Variants in CD47 observed in about 807,000 individuals in gnomAD.
CD47 encodes the protein leukocyte surface antigen CD47.
A neutral mutation model predicts 44.6 loss-of-function variants in CD47; 11 were observed. The observed-to-expected ratio is 0.25, with a 90% CI of 0.16 to 0.41. The LOEUF is 0.41. Ranked by LOEUF, CD47 falls within the 10% of genes least tolerant of loss-of-function variation. The pLI is 1.00. For missense variants in CD47, 306 were observed against 386.7 expected (o/e 0.79, Z 1.75); for synonymous variants, 140 against 136.3 (o/e 1.03, Z -0.19).
chr3:108,057,542 A>T lies in CD47; in HGVS notation c.812T>A (p.Leu271Gln). 1.9e-6 allele frequency: 3 copies of T among 1,574,574 alleles called. No homozygotes were observed. The highest frequency in any genetic ancestry group is 2.6e-6 in the Non-Finnish European group (3 of 1,144,342). Residue 271 changes from leucine (L) to glutamine (Q), a missense_variant, in exon 7 of 11, where the codon CTG becomes CAG. By Grantham distance (113) the Leu-to-Gln change is moderately radical. This residue lies in a region of CD47 where 131 missense variants were observed against 135.3 expected (regional missense o/e 0.97). Coordinates refer to ENST00000361309, the MANE Select transcript of CD47 (RefSeq NM_001777.4). ...AGCTAAGATACTCAAACCTGAAATC[A>T]GAAGAGGGCCATGCATTGGTATACA... ...AACIPMHGPL[L>Q]ISGLSILALA...
At chr3:108,068,414 C>T (rs945449428) in intron 3 of CD47, among the ~76,000 whole-genome samples, 1 of 152,128 alleles carries the variant, frequency 6.6e-6, no homozygotes, top group Non-Finnish European at 1.5e-5. Context: ...TCAGTAGGCA[C>T]CCTGTCACTA....
rs1337944256 is a variant in CD47 at position 108,047,169 on chromosome 3, G to A, written c.*119C>T. 1 of 708,498 alleles carries A rather than the reference G, an allele frequency of 1.4e-6. No homozygotes were observed. The highest frequency in any genetic ancestry group is 1.8e-5 in the African/African-American group (1 of 55,182). 43.9% of individuals were successfully genotyped at this position (708,498 alleles called of 1,614,324 possible). ...GTAAGGGTCTCATAGGTGACAACCA[G>A]TTACTTTTCTTGTTTCTTCTCCCCA... On this transcript the variant is annotated 3_prime_UTR_variant, in exon 11 of 11. Transcript: ENST00000361309.
At chr3:108,049,094 A>ATCTCTCTC (rs55708779) in intron 10 of CD47, among the ~76,000 whole-genome samples, 3 of 129,294 alleles carry the variant, frequency 2.3e-5, no homozygotes, top group African/African-American at 5.8e-5. Flanking sequence ...AGGACGAAAC[A>ATCTCTCTC]TCTCTCTCTC....
At position 108,043,878 on chromosome 3, in the gene CD47, A is replaced by C. The variant is rs1391761408; in HGVS notation, c.*3410T>G. On this transcript the variant is annotated 3_prime_UTR_variant, in exon 11 of 11. Coordinates refer to ENST00000361309, the MANE Select transcript of CD47 (RefSeq NM_001777.4). The stretch of plus-strand genomic sequence containing the variant: ...AAAACTGCCTGGTCACTCACTGCTC[A>C]TCTCTTCAAAGTTACCTGGATTATC... 6 of 152,652 alleles carry C rather than the reference A, an allele frequency of 3.9e-5. No individual in the cohort carries two copies. Among genetic ancestry groups the C allele is most frequent in the Admixed American group, 3.9e-4 (6 of 15,292 alleles). The allele number at this position is 152,652 out of a possible 1,614,324, so 9.5% of individuals were successfully genotyped here.
In CD47 at chr3:108,051,427, A is replaced by C. The variant is rs558207902; in HGVS notation, c.909+512T>G. ...TAAGGTACAATGAAACCTTAAGCAC[A>C]GTTTTAAGGGAAAAAATGTTTATAA... On this transcript the variant is annotated intron_variant, in intron 8 of 10. Transcript: ENST00000361309. Among the ~76,000 whole-genome samples the C allele has an allele frequency of 2.6e-5, 4 of 152,340 alleles. No individual in the cohort carries two copies. In the East Asian group the frequency reaches 7.7e-4, roughly 29 times the overall value.
intron 7 of CD47, chr3:108,055,414 C>G: frequency 1.7e-6 from 1 of 575,228 alleles, no homozygotes; most frequent in Non-Finnish European, 2.7e-6. Context: ...AAATTTGCAA[C>G]CTTAATGTTA....
chr3:108,055,706 CAAAG>C (rs2078902527), intron 7 of CD47: 1 of 393,756 alleles, frequency 2.5e-6, no homozygotes, highest in African/African-American at 2.1e-5. Context: ...TAACCTATGA[CAAAG>C]AAAAAATAAT....
In CD47 at chr3:108,059,469, T is replaced by C; in HGVS notation, c.674A>G (p.Tyr225Cys). 6.7e-7 allele frequency: 1 copy of C among 1,496,020 alleles called. No individual in the cohort carries two copies. Among genetic ancestry groups the C allele is most frequent in the Non-Finnish European group, 9.0e-7 (1 of 1,105,420 alleles). The allele number at this position is 1,496,020 out of a possible 1,614,324, so 92.7% of individuals were successfully genotyped here. The change falls in exon 5 of 11, where the codon TAC (tyrosine) becomes TGC (cysteine). Residue 225 changes from tyrosine (Y) to cysteine (C), a missense_variant. Coordinates refer to ENST00000361309, the MANE Select transcript of CD47 (RefSeq NM_001777.4). ...TSTGILILLH[Y>C]YVFSTAIGLT... is the part of the protein sequence containing the mutation. The stretch of plus-strand genomic sequence containing the variant: ...AAACTCACCTGTACTAAACACATAG[T>C]AGTGAAGTAATATTAATATCCCTGT...
intron 1 of CD47, among the ~76,000 whole-genome samples, chr3:108,085,611 C>T (rs2079505170): frequency 4.6e-5 from 7 of 152,096 alleles, no homozygotes; most frequent in Admixed American, 4.6e-4. Context: ...GCTCCCATTG[C>T]CTTGTGTTCA....
chr3:108,061,207 C>T (rs1217309501), intron 3 of CD47, among the ~76,000 whole-genome samples: 1 of 149,278 alleles, frequency 6.7e-6, no homozygotes, highest in African/African-American at 2.5e-5. Context: ...TGAGGAGCAT[C>T]CCTGGCCTCT....
In CD47 at chr3:108,047,166, C is replaced by G; in HGVS notation, c.*122G>C. 1.5e-6 allele frequency: 1 copy of G among 678,750 alleles called. No individual in the cohort carries two copies. Among genetic ancestry groups the G allele is most frequent in the East Asian group, 2.8e-5 (1 of 35,850 alleles). The allele number at this position is 678,750 out of a possible 1,614,324, so 42.0% of individuals were successfully genotyped here. On this transcript the variant is annotated 3_prime_UTR_variant, in exon 11 of 11. Coordinates refer to ENST00000361309, the MANE Select transcript of CD47 (RefSeq NM_001777.4). ...CACGTAAGGGTCTCATAGGTGACAA[C>G]CAGTTACTTTTCTTGTTTCTTCTCC... is the stretch of plus-strand genomic sequence containing the variant.
chr3:108,059,401 T>C, intron 5 of CD47, 51 bp downstream of exon 5: 1 of 929,096 alleles, frequency 1.1e-6, no homozygotes. Context: ...AAACTGCTGT[T>C]TTGTAAATGA....
intron 2 of CD47, among the ~76,000 whole-genome samples, chr3:108,075,202 C>A (rs1441195612): frequency 6.6e-6 from 1 of 152,196 alleles, no homozygotes; most frequent in African/African-American, 2.4e-5. Flanking sequence ...AATTCCTGGA[C>A]AGGCAGAATG....
intron 3 of CD47, among the ~76,000 whole-genome samples, chr3:108,066,581 G>C (rs1348910519): frequency 2.6e-5 from 4 of 152,208 alleles, no homozygotes; most frequent in African/African-American, 9.6e-5. Context: ...AGACAGCAAA[G>C]TATGGAGTTT....
chr3:108,085,060 T>A (rs1004573375), intron 1 of CD47, among the ~76,000 whole-genome samples: 1 of 152,104 alleles, frequency 6.6e-6, no homozygotes, highest in Admixed American at 6.5e-5. Context: ...TAGCATGGAA[T>A]ACAAACGAGG....
chr3:108,084,941 T>C (rs1003589633), intron 1 of CD47, among the ~76,000 whole-genome samples: 3 of 152,088 alleles, frequency 2.0e-5, no homozygotes, highest in Non-Finnish European at 4.4e-5. Flanking sequence ...GGCCCTGATG[T>C]ATTTTCTACA....
chr3:108,083,188 CAG>C (rs2079450069), intron 1 of CD47, among the ~76,000 whole-genome samples: 1 of 151,906 alleles, frequency 6.6e-6, no homozygotes, highest in Non-Finnish European at 1.5e-5. Flanking sequence ...AGAGTAATGC[CAG>C]AGTTATAGAT....
chr3:108,062,767 G>A (rs529581810), intron 3 of CD47, among the ~76,000 whole-genome samples: 190 of 149,586 alleles, frequency 1.3e-3, no homozygotes, highest in African/African-American at 4.4e-3. Context: ...TCAGCCTCCC[G>A]AGTAGCTGGG....
chr3:108,058,248 T>C (rs2078949269), intron 6 of CD47, 89 bp downstream of exon 6: 1 of 765,818 alleles, frequency 1.3e-6, no homozygotes, highest in Non-Finnish European at 2.0e-6. Flanking sequence ...AGTCTATATA[T>C]TTTTAAAAAG....
Sources: allele counts gnomAD v4.1 joint callset (sites outside exome capture counted in the v4.1 genomes callset), GRCh38; gene constraint gnomAD v4.1.1; regional missense constraint gnomAD v4.1.1; transcripts MANE v1.5; gene names NCBI Gene and HGNC (gene_info 2026-07-23, HGNC 2026-07-21).